Variants in UNC13C observed in about 807,000 individuals in gnomAD.
The protein encoded by UNC13C is unc-13 homolog C.
Under a neutral mutation model 245.4 loss-of-function variants are expected in UNC13C, and 174 were observed. The observed-to-expected ratio is 0.71, with a 90% CI of 0.63 to 0.80. The LOEUF (loss-of-function observed/expected upper bound fraction) is 0.80, where lower values mean the gene tolerates loss of function less well. Among genes scored for constraint, UNC13C ranks in the 30% least tolerant of loss-of-function variants. The probability of loss-of-function intolerance (pLI) is 0.00; values close to 1 mark genes in which losing one functional copy is unlikely to be tolerated. For missense variants in UNC13C, 2,829 were observed against 2,602.9 expected (o/e 1.09, Z -1.89); for synonymous variants, 992 against 895.1 (o/e 1.11, Z -1.93).
Position 54,038,124 on chromosome 15 carries a change from A to ATTTTTTT in UNC13C, c.2983+22248_2983+22254dup, listed in dbSNP as rs58063301. Among the ~76,000 whole-genome samples the ATTTTTTT allele has an allele frequency of 1.0e-3, 47 of 45,030 alleles. 8 individuals are homozygous for ATTTTTTT. The highest frequency in any genetic ancestry group is 1.1e-3 in the Non-Finnish European group (32 of 28,828). 29.5% of individuals were successfully genotyped at this position (45,030 alleles called of 152,430 possible). A position where few individuals can be genotyped will look rare whatever the true frequency, so the allele number is the denominator to read the frequency against. ...CATATATATATATATATATATATAT[A>ATTTTTTT]TTTTTTTTTTTTTTTTCCTGAGACA... On this transcript the variant is annotated intron_variant, in intron 2 of 32. Transcript: ENST00000260323.
rs1260984714 is a variant in UNC13C, at chr15:54,013,705, A to T, written c.802A>T (p.Asn268Tyr). The T allele has an allele frequency of 9.3e-6, 15 of 1,613,532 alleles. No individual in the cohort carries two copies. Among genetic ancestry groups the T allele is most frequent in the Non-Finnish European group, 1.3e-5 (15 of 1,179,752 alleles). Residue 268 changes from asparagine (N) to tyrosine (Y), a missense_variant, in exon 2 of 33, where the codon AAT (asparagine) becomes TAT (tyrosine). Transcript: ENST00000260323. The part of the protein sequence containing the change: ...TELSELRGHV[N>Y]ALKHSIDEIS... ...ACTTTCTGAACTACGAGGGCACGTC[A>T]ATGCTCTCAAGCACTCCATCGATGA... is the stretch of plus-strand genomic sequence containing the variant.
In UNC13C at chr15:54,494,709, A is replaced by C; in HGVS notation, c.5035A>C (p.Lys1679Gln). The C allele has an allele frequency of 6.2e-7, 1 of 1,610,626 alleles. No individual in the cohort carries two copies. Among genetic ancestry groups the C allele is most frequent in the Non-Finnish European group, 8.5e-7 (1 of 1,178,440 alleles). Residue 1679 changes from lysine (K) to glutamine (Q), a missense_variant, in exon 20 of 33, where the codon AAG (lysine) becomes CAG (glutamine). Lys to Gln is a moderately conservative substitution (Grantham distance 53). Transcript: ENST00000260323. ...NEYVRELPAFKDAVPEYSLWF... is the reference protein window; with the variant it reads ...NEYVRELPAFQDAVPEYSLWF... The stretch of plus-strand genomic sequence containing the variant: ...ATATGTGCGTGAACTTCCTGCCTTC[A>C]AGGATGCTGTTCCTGAATACTCCTT...
chr15:53,940,417 T>C, the UNC13C span, among the ~76,000 whole-genome samples: 1 of 152,098 alleles, frequency 6.6e-6, no homozygotes, highest in South Asian at 2.1e-4. Flanking sequence ...AAGATAAGGA[T>C]GCCCTCTCCC....
the UNC13C span, among the ~76,000 whole-genome samples, chr15:53,846,770 T>C: frequency 6.6e-6 from 1 of 152,166 alleles, no homozygotes; most frequent in South Asian, 2.1e-4. Context: ...TCAGAAATAA[T>C]ATTTTCAGGA....
At chr15:54,506,974 C>A in intron 22 of UNC13C, 143 bp from the exon 23 acceptor site, 1 of 517,218 alleles carries the variant, frequency 1.9e-6, no homozygotes, top group Non-Finnish European at 3.4e-6. Context: ...CATTCTTAGG[C>A]TCAGAAACAG....
chr15:54,612,942 T>C (rs902708662), intron 30 of UNC13C, among the ~76,000 whole-genome samples: 1 of 151,936 alleles, frequency 6.6e-6, no homozygotes, highest in Non-Finnish European at 1.5e-5. Flanking sequence ...TTTATACTTA[T>C]ATGAATTAAT....
chr15:54,460,277 C>A (rs1209845919), intron 19 of UNC13C, among the ~76,000 whole-genome samples: 1 of 152,196 alleles, frequency 6.6e-6, no homozygotes, highest in Non-Finnish European at 1.5e-5. Context: ...GATACCAGCA[C>A]CTGCTCCAGT....
At chr15:54,035,100 T>C (rs1227746705) in intron 2 of UNC13C, among the ~76,000 whole-genome samples, 1 of 152,192 alleles carries the variant, frequency 6.6e-6, no homozygotes, top group African/African-American at 2.4e-5. Context: ...TCTTCAGATA[T>C]ACATTTATAG....
At chr15:54,305,759 G>A (rs983798765) in intron 13 of UNC13C, among the ~76,000 whole-genome samples, 1 of 151,982 alleles carries the variant, frequency 6.6e-6, no homozygotes, top group African/African-American at 2.4e-5. Flanking sequence ...AAGAAATGCT[G>A]TCTTTTCTCT....
At chr15:54,276,572 T>C (rs1308638785) in intron 10 of UNC13C, among the ~76,000 whole-genome samples, 1 of 152,250 alleles carries the variant, frequency 6.6e-6, no homozygotes, top group Middle Eastern at 3.4e-3. Context: ...CATTTATGGC[T>C]GAGAAAAATG....
At chr15:54,068,301 G>T (rs1293467334) in intron 2 of UNC13C, among the ~76,000 whole-genome samples, 2 of 152,184 alleles carry the variant, frequency 1.3e-5, no homozygotes, top group South Asian at 4.1e-4. Context: ...ACCCAAAGTT[G>T]TGAAGTGTTT....
intron 2 of UNC13C, among the ~76,000 whole-genome samples, chr15:54,105,994 T>TACTCC (rs1301692174): frequency 1.1e-4 from 16 of 152,340 alleles, no homozygotes; most frequent in African/African-American, 3.8e-4. Flanking sequence ...AAATGATCAC[T>TACTCC]AGGTAGATAC....
chr15:54,128,599 G>T (rs2031205876), intron 2 of UNC13C, among the ~76,000 whole-genome samples: 1 of 152,096 alleles, frequency 6.6e-6, no homozygotes, highest in African/African-American at 2.4e-5. Flanking sequence ...TAAGACTTTG[G>T]ATCTTATTAA....
At chr15:54,124,131 G>A (rs1288791429) in intron 2 of UNC13C, among the ~76,000 whole-genome samples, 1 of 152,126 alleles carries the variant, frequency 6.6e-6, no homozygotes, top group Non-Finnish European at 1.5e-5. Context: ...TCCAGTTTGG[G>A]TTATTAAAAT....
At chr15:54,598,870 AAG>A (rs1899244051) in intron 30 of UNC13C, among the ~76,000 whole-genome samples, 2 of 152,140 alleles carry the variant, frequency 1.3e-5, no homozygotes, top group African/African-American at 4.8e-5. Flanking sequence ...CGTATTTGAC[AAG>A]AGTTTGTTTT....
At chr15:53,929,468 A>G in the UNC13C span, among the ~76,000 whole-genome samples, 908 of 152,314 alleles carry the variant, frequency 6.0e-3, 12 homozygotes, top group African/African-American at 0.021. Context: ...TTAAAGCATC[A>G]ACTACTAAAA....
intron 2 of UNC13C, among the ~76,000 whole-genome samples, chr15:54,057,593 G>C (rs1897594548): frequency 6.6e-6 from 1 of 152,164 alleles, no homozygotes; most frequent in Non-Finnish European, 1.5e-5. Flanking sequence ...ATTGAACTCA[G>C]CTCTGCACCA....
chr15:54,069,482 A>G (rs1396539085), intron 2 of UNC13C, among the ~76,000 whole-genome samples: 3 of 152,200 alleles, frequency 2.0e-5, no homozygotes, highest in Admixed American at 6.5e-5. Flanking sequence ...TTATGTCTGC[A>G]TAAAATAATC....
At chr15:53,867,897 C>T in the UNC13C span, among the ~76,000 whole-genome samples, 4 of 152,158 alleles carry the variant, frequency 2.6e-5, no homozygotes, top group Non-Finnish European at 5.9e-5. Context: ...GTGGTGCTCC[C>T]ATGCCTCACT....
Sources: allele counts gnomAD v4.1 joint callset (sites outside exome capture counted in the v4.1 genomes callset), GRCh38; gene constraint gnomAD v4.1.1; transcripts MANE v1.5; gene names NCBI Gene and HGNC (gene_info 2026-07-23, HGNC 2026-07-21).